The following MYO3B variants were observed in gnomAD, a reference collection of about 807,000 sequenced individuals.
MYO3B encodes the protein myosin-IIIb.
MYO3B carries 156 observed loss-of-function variants against 174.6 expected under a neutral mutation model. That is an observed-to-expected ratio of 0.89 (90% CI 0.78 to 1.02). The LOEUF is 1.02. Among genes scored for constraint, MYO3B ranks in the 50% least tolerant of loss-of-function variants. The pLI, the probability that MYO3B is intolerant of heterozygous loss-of-function variation, is 0.00. For synonymous variants in MYO3B, 563 were observed against 569.1 expected (o/e 0.99, Z 0.15); for missense variants, 1,632 against 1,639.4 (o/e 1.00, Z 0.08).
intron 32 of MYO3B, among the ~76,000 whole-genome samples, chr2:170,585,974 G>T (rs1018393594): frequency 6.6e-6 from 1 of 152,138 alleles, no homozygotes; most frequent in Non-Finnish European, 1.5e-5. Context: ...AGGCCAGGGG[G>T]AGGTTGCATT....
At position 170,613,964 on chromosome 2, in the gene MYO3B, A is replaced by G. The variant is rs1695285226; in HGVS notation, c.3734-37664A>G. The stretch of plus-strand genomic sequence containing the variant: ...ACTTAATAAACTCCTCTTAATATGT[A>G]TATCCTATTAGTTCTGTCCCTCTAG... On this transcript the variant is annotated intron_variant, in intron 32 of 34. Coordinates refer to ENST00000408978, the MANE Select transcript of MYO3B (RefSeq NM_138995.5). Among the ~76,000 whole-genome samples the G allele has an allele frequency of 2.0e-5, 3 of 152,088 alleles. No individual in the cohort carries two copies. In the South Asian group the frequency reaches 6.2e-4, roughly 32 times the overall value.
intron 7 of MYO3B, among the ~76,000 whole-genome samples, chr2:170,325,717 G>A (rs751103789): frequency 6.6e-6 from 1 of 152,182 alleles, no homozygotes; most frequent in South Asian, 2.1e-4. Flanking sequence ...TGCTCTCAGC[G>A]TAGTTAAGCT....
intron 7 of MYO3B, among the ~76,000 whole-genome samples, chr2:170,322,460 G>A (rs2093835514): frequency 6.6e-6 from 1 of 152,170 alleles, no homozygotes; most frequent in African/African-American, 2.4e-5. Flanking sequence ...TCTTGAGGTT[G>A]GTGAAAACAA....
At chr2:170,641,543 AAAC>A (rs1697947634) in intron 32 of MYO3B, 1 of 152,182 alleles carries the variant, frequency 6.6e-6, no homozygotes, top group Admixed American at 6.5e-5. Flanking sequence ...AAAACATTGG[AAAC>A]AACTTCTGTG....
At chr2:170,305,936 A>G (rs1347444377) in intron 7 of MYO3B, among the ~76,000 whole-genome samples, 1 of 152,144 alleles carries the variant, frequency 6.6e-6, no homozygotes, top group East Asian at 1.9e-4. Flanking sequence ...ATTGCATGTT[A>G]TAACTTTGGG....
intron 9 of MYO3B, among the ~76,000 whole-genome samples, chr2:170,374,122 A>G (rs1328187584): frequency 6.6e-6 from 1 of 152,230 alleles, no homozygotes; most frequent in Non-Finnish European, 1.5e-5. Flanking sequence ...CTCATCTGTC[A>G]TCTCAATTAA....
chr2:170,653,107 T>G lies in MYO3B; in HGVS notation c.4012T>G (p.Phe1338Val), dbSNP rs763777378. The change falls in exon 35 of 35, where the codon TTT becomes GTT. Residue 1338 changes from phenylalanine to valine, a missense_variant. By Grantham distance (50) the Phe-to-Val change is conservative. Coordinates refer to ENST00000408978, the MANE Select transcript of MYO3B (RefSeq NM_138995.5). ...TTCTTCATCCTCAAAAGGAGACTCT[T>G]TTGCTCAACATTAAATTGTGCTTCC... ...FFSSSSKGDSFAQH is the reference protein window; with the variant it reads ...FFSSSSKGDSVAQH The G allele has an allele frequency of 1.2e-5, 19 of 1,614,000 alleles. No homozygotes were observed. Among genetic ancestry groups the G allele is most frequent in the Admixed American group, 1.7e-5 (1 of 59,994 alleles).
At position 170,382,000 on chromosome 2, in the gene MYO3B, C is replaced by T; in HGVS notation, c.972-16C>T. 2 of 1,605,964 alleles carry T rather than the reference C, an allele frequency of 1.2e-6. No homozygotes were observed. The highest frequency in any genetic ancestry group is 1.7e-6 in the Non-Finnish European group (2 of 1,173,304). ...TTTGCTGTCTTAATGCTTAAACTCT[C>T]TTGATAAATTTCTAGGCATGAGAGG... On this transcript the variant is annotated splice_polypyrimidine_tract_variant and intron_variant, in intron 9 of 34. Coordinates refer to ENST00000408978, the MANE Select transcript of MYO3B (RefSeq NM_138995.5).
chr2:170,625,737 G>A (rs189930243), intron 32 of MYO3B, among the ~76,000 whole-genome samples: 1 of 152,204 alleles, frequency 6.6e-6, no homozygotes, highest in Non-Finnish European at 1.5e-5. Context: ...GTGTCCCAGA[G>A]ATTCTGGTAT....
At chr2:170,468,599 A>G (rs1408030587) in intron 25 of MYO3B, among the ~76,000 whole-genome samples, 1 of 152,068 alleles carries the variant, frequency 6.6e-6, no homozygotes, top group Non-Finnish European at 1.5e-5. Context: ...TCCTCTACTC[A>G]TGGAGCCTTT....
chr2:170,254,410 G>C (rs901855678), intron 7 of MYO3B, among the ~76,000 whole-genome samples: 1 of 152,116 alleles, frequency 6.6e-6, no homozygotes, highest in Non-Finnish European at 1.5e-5. Context: ...AGAGAGAGCA[G>C]AGCTGCCTTT....
chr2:170,634,230 A>G (rs1482953740), intron 32 of MYO3B, among the ~76,000 whole-genome samples: 2 of 152,244 alleles, frequency 1.3e-5, no homozygotes, highest in Admixed American at 1.3e-4. Context: ...CTACAAGGCT[A>G]CAGTAACCAA....
At chr2:170,211,998 C>T (rs1574585954) in intron 3 of MYO3B, among the ~76,000 whole-genome samples, 1 of 150,890 alleles carries the variant, frequency 6.6e-6, no homozygotes, top group South Asian at 2.1e-4. Flanking sequence ...AATCCCAGCA[C>T]CTTGGGAGGC....
At chr2:170,580,057 A>G (rs962988806) in intron 32 of MYO3B, among the ~76,000 whole-genome samples, 8 of 152,218 alleles carry the variant, frequency 5.3e-5, no homozygotes, top group Non-Finnish European at 1.0e-4. Flanking sequence ...TAGAGAAAAA[A>G]ATGGCATTAT....
chr2:170,651,752 G>A lies in MYO3B; in HGVS notation c.3840+18G>A, dbSNP rs6724627. On this transcript the variant is annotated intron_variant, in intron 33 of 34. Coordinates refer to ENST00000408978, the MANE Select transcript of MYO3B (RefSeq NM_138995.5). Reference sequence around the variant, plus strand: ...AGTTAAATGTGAGTTCAAAGTGGCCGTAAAGCTGTTTCACTGGCTTTGTTT... The same window carrying A: ...AGTTAAATGTGAGTTCAAAGTGGCCATAAAGCTGTTTCACTGGCTTTGTTT... The A allele has an allele frequency of 0.31, 495,598 of 1,597,572 alleles. 81,810 individuals carry two copies. The highest frequency in any genetic ancestry group is 0.62 in the African/African-American group (46,418 of 74,438).
chr2:170,652,753 C>T (rs1443732885), intron 34 of MYO3B, among the ~76,000 whole-genome samples: 3 of 152,138 alleles, frequency 2.0e-5, no homozygotes, highest in Non-Finnish European at 4.4e-5. Flanking sequence ...CTTCCAGACA[C>T]CACAAAACTG....
intron 16 of MYO3B, 107 bp downstream of exon 16, chr2:170,392,602 T>C (rs1037087190): frequency 1.1e-5 from 7 of 639,874 alleles, no homozygotes; most frequent in Admixed American, 3.4e-5. Context: ...TCAAATGCCA[T>C]GTTGGTCATG....
intron 8 of MYO3B, among the ~76,000 whole-genome samples, chr2:170,344,008 G>C (rs2093996733): frequency 6.6e-6 from 1 of 152,228 alleles, no homozygotes; most frequent in Non-Finnish European, 1.5e-5. Flanking sequence ...CTGCTGGTGT[G>C]GCAGGGCCAC....
intron 23 of MYO3B, 97 bp downstream of exon 23, chr2:170,444,143 G>C (rs750550576): frequency 1.1e-5 from 11 of 1,022,668 alleles, no homozygotes; most frequent in Non-Finnish European, 1.6e-5. Context: ...CCTTCTAGCA[G>C]CCCTCTGCCT....
Sources: gnomAD v4.1 joint callset for allele counts (sites outside exome capture counted in the v4.1 genomes callset) on GRCh38, gnomAD v4.1.1 for gene constraint, MANE v1.5 for transcripts, NCBI Gene and HGNC (gene_info 2026-07-23, HGNC 2026-07-21) for gene names.